Variants in TNPO3 observed in about 807,000 individuals in gnomAD.
The protein encoded by TNPO3 is transportin-3.
In TNPO3, 65 loss-of-function variants were observed where a neutral mutation model predicts 122.8. The ratio of observed to expected loss-of-function variants is 0.53; its 90% CI spans 0.43 to 0.65. The LOEUF (loss-of-function observed/expected upper bound fraction) is 0.65. TNPO3 is among the 30% of genes least tolerant of loss of function. The pLI is 0.00. For synonymous variants in TNPO3, 372 were observed against 411.2 expected (o/e 0.90, Z 1.15); for missense variants, 850 against 1,136.7 (o/e 0.75, Z 3.63).
At chr7:129,042,446 G>A (rs542182590) in intron 1 of TNPO3, among the ~76,000 whole-genome samples, 12 of 152,258 alleles carry the variant, frequency 7.9e-5, no homozygotes, top group African/African-American at 2.6e-4. Flanking sequence ...CAACCATGTG[G>A]TATAGAGCTA....
chr7:128,998,410 A>C (rs1801573454), intron 7 of TNPO3, among the ~76,000 whole-genome samples: 1 of 152,208 alleles, frequency 6.6e-6, no homozygotes, highest in Non-Finnish European at 1.5e-5. Context: ...GCTGGAGCAC[A>C]GTGGCACAAT....
At chr7:128,994,974 T>C (rs905949692) in intron 8 of TNPO3, among the ~76,000 whole-genome samples, 1 of 152,026 alleles carries the variant, frequency 6.6e-6, no homozygotes, top group Non-Finnish European at 1.5e-5. Flanking sequence ...ATTTTTAAAA[T>C]TTTTTTATAG....
At chr7:129,036,531 A>T (rs1202048892) in intron 1 of TNPO3, among the ~76,000 whole-genome samples, 1 of 152,236 alleles carries the variant, frequency 6.6e-6, no homozygotes, top group African/African-American at 2.4e-5. Context: ...TAACTAGAGC[A>T]ATTAGGAAAA....
At chr7:129,007,309 G>A (rs1216379565) in intron 4 of TNPO3, among the ~76,000 whole-genome samples, 2 of 152,110 alleles carry the variant, frequency 1.3e-5, no homozygotes, top group Non-Finnish European at 2.9e-5. Flanking sequence ...ACCATTACAC[G>A]ATAGCTACCT....
Position 128,972,410 on chromosome 7 carries a change from T to C in TNPO3, c.2430+16A>G. 6 of 1,600,896 alleles carry C rather than the reference T, an allele frequency of 3.7e-6. No individual in the cohort carries two copies. Among genetic ancestry groups the C allele is most frequent in the Non-Finnish European group, 5.1e-6 (6 of 1,173,828 alleles). On this transcript the variant is annotated intron_variant, in intron 19 of 22. Coordinates refer to ENST00000265388, the MANE Select transcript of TNPO3 (RefSeq NM_012470.4). ...TAAAAGCTGTTAAGTAGAAATGGTATCATTTTTATACTTACATCATTGGCT... is the reference window on the plus strand; with the variant it reads ...TAAAAGCTGTTAAGTAGAAATGGTACCATTTTTATACTTACATCATTGGCT...
chr7:129,001,379 A>G lies in TNPO3; in HGVS notation c.697-145T>C, dbSNP rs1584564485. 35 of 637,622 alleles carry G rather than the reference A, an allele frequency of 5.5e-5. No homozygotes were observed. In the East Asian group the frequency reaches 9.8e-4, roughly 18 times the overall value. 39.5% of individuals were successfully genotyped at this position (637,622 alleles called of 1,614,324 possible). ...AAATAATAATACAATGAAAAACACA[A>G]ATTTAAAAATTACCCTATAGCAACT... On this transcript the variant is annotated intron_variant, in intron 5 of 22. Coordinates refer to ENST00000265388, the MANE Select transcript of TNPO3 (RefSeq NM_012470.4).
At chr7:128,993,964 A>C in intron 8 of TNPO3, 50 bp from the exon 9 acceptor site, 1 of 1,489,102 alleles carries the variant, frequency 6.7e-7, no homozygotes, top group South Asian at 1.2e-5. Flanking sequence ...TGCGGCTTTC[A>C]ATGACCTCTA....
intron 18 of TNPO3, 92 bp downstream of exon 18, chr7:128,974,776 T>G: frequency 9.1e-7 from 1 of 1,098,000 alleles, no homozygotes; most frequent in Non-Finnish European, 1.4e-6. Context: ...AGTGACTTCA[T>G]TTTACAAGAA....
chr7:129,049,832 A>C (rs1223505484), intron 1 of TNPO3, among the ~76,000 whole-genome samples: 5 of 152,134 alleles, frequency 3.3e-5, no homozygotes, highest in African/African-American at 1.2e-4. Context: ...GAGAATAGGG[A>C]AGGCAAGGGA....
At chr7:128,963,531 G>A (rs1797663904) in intron 21 of TNPO3, among the ~76,000 whole-genome samples, 1 of 152,200 alleles carries the variant, frequency 6.6e-6, no homozygotes, top group African/African-American at 2.4e-5. Flanking sequence ...ACCCAGTGGA[G>A]GGGAAATCCC....
rs1229693965 is a variant in TNPO3 at position 128,980,028 on chromosome 7, A to G, written c.1863T>C (p.His621=). The change falls in exon 15 of 23, where the codon CAT becomes CAC. Residue 621 remains histidine, a synonymous_variant. Coordinates refer to ENST00000265388, the MANE Select transcript of TNPO3 (RefSeq NM_012470.4). ...FLDRLAVIFR[H]TNPIVENGQT... ...GTCCATTTTCCACAATGGGATTGGT[A>G]TGCCTGGGAAAAGACAACAGCCCAA... 6.2e-7 allele frequency: 1 copy of G among 1,614,106 alleles called. No homozygotes were observed. Among genetic ancestry groups the G allele is most frequent in the Non-Finnish European group, 8.5e-7 (1 of 1,179,968 alleles).
Position 129,054,907 on chromosome 7 carries a change from T to G in TNPO3, c.-137A>C. 8.4e-7 allele frequency: 1 copy of G among 1,194,178 alleles called. No homozygotes were observed. The highest frequency in any genetic ancestry group is 1.2e-6 in the Non-Finnish European group (1 of 848,062). 74.0% of individuals were successfully genotyped at this position (1,194,178 alleles called of 1,614,324 possible). On this transcript the variant is annotated 5_prime_UTR_variant, in exon 1 of 23. Transcript: ENST00000265388. ...GCGCCATCTCCTCCTCTTTGGCCGTTACCAGGGCAGAAGGCTCTCCGTGGA... is the reference window on the plus strand; with the variant it reads ...GCGCCATCTCCTCCTCTTTGGCCGTGACCAGGGCAGAAGGCTCTCCGTGGA...
intron 2 of TNPO3, 68 bp downstream of exon 2, chr7:129,017,889 G>T: frequency 6.7e-7 from 1 of 1,498,416 alleles, no homozygotes; most frequent in South Asian, 1.1e-5. Flanking sequence ...CTAGCAATAC[G>T]AATTAAAACA....
intron 1 of TNPO3, chr7:129,041,814 A>T (rs1807409337): frequency 3.5e-6 from 3 of 863,276 alleles, no homozygotes; most frequent in Admixed American, 1.2e-4. Context: ...TCTTTTCAAA[A>T]GATATTTCCA....
chr7:129,035,017 G>A lies in TNPO3; in HGVS notation c.121-16860C>T, dbSNP rs985604526. The stretch of plus-strand genomic sequence containing the variant: ...CGGCCGGGCGCGGTGGCTCACGCCT[G>A]TAATCCCAGCACTTTGGGAGGCAGA... On this transcript the variant is annotated intron_variant, in intron 1 of 22. Coordinates refer to ENST00000265388, the MANE Select transcript of TNPO3 (RefSeq NM_012470.4). Among the ~76,000 whole-genome samples, 10 of 152,030 alleles carry A rather than the reference G, an allele frequency of 6.6e-5. No homozygotes were observed. In the East Asian group the frequency reaches 1.9e-3, roughly 29 times the overall value.
intron 4 of TNPO3, among the ~76,000 whole-genome samples, chr7:129,013,035 A>T (rs1188761128): frequency 6.6e-6 from 1 of 152,248 alleles, no homozygotes; most frequent in Non-Finnish European, 1.5e-5. Context: ...TAGCTCATCC[A>T]TAATGCGATA....
chr7:129,023,750 A>G (rs1584579253), intron 1 of TNPO3, among the ~76,000 whole-genome samples: 1 of 152,214 alleles, frequency 6.6e-6, no homozygotes, highest in East Asian at 1.9e-4. Context: ...AAGGGTAAAA[A>G]TCACGTATTT....
At chr7:128,997,613 T>C (rs1801470791) in intron 7 of TNPO3, 78 bp from the exon 8 acceptor site, 1 of 1,213,078 alleles carries the variant, frequency 8.2e-7, no homozygotes, top group Non-Finnish European at 1.2e-6. Context: ...ACCACGACCA[T>C]ATAGGAAGAA....
chr7:128,997,340 T>G, intron 8 of TNPO3, 49 bp downstream of exon 8: 3 of 1,602,376 alleles, frequency 1.9e-6, no homozygotes, highest in Non-Finnish European at 2.6e-6. Context: ...AAGTTGGCAC[T>G]GACAAGAGGA....
Sources: gnomAD v4.1 joint callset for allele counts (sites outside exome capture counted in the v4.1 genomes callset) on GRCh38, gnomAD v4.1.1 for gene constraint, MANE v1.5 for transcripts, NCBI Gene and HGNC (gene_info 2026-07-23, HGNC 2026-07-21) for gene names.